The following MYO3A variants were observed in gnomAD, a reference collection of about 807,000 sequenced individuals.
MYO3A encodes the protein myosin-IIIa.
Under a neutral mutation model 192.7 loss-of-function variants are expected in MYO3A, and 180 were observed. The observed-to-expected ratio is 0.93, with a 90% CI of 0.83 to 1.06. The LOEUF is 1.06. Among genes scored for constraint, MYO3A ranks in the 50% least tolerant of loss-of-function variants. The probability of loss-of-function intolerance (pLI) is 0.00; values close to 1 mark genes in which losing one functional copy is unlikely to be tolerated. For missense variants in MYO3A, 1,896 were observed against 1,905.0 expected (o/e 1.00, Z 0.09); for synonymous variants, 628 against 645.3 (o/e 0.97, Z 0.41).
At chr10:25,996,469 T>C (rs1192702597) in intron 4 of MYO3A, 21 bp from the exon 5 acceptor site, 2 of 1,594,198 alleles carry the variant, frequency 1.3e-6, no homozygotes. Flanking sequence ...TTAATAGCCA[T>C]CTTAAAATAT....
chr10:26,162,922 G>A (rs147965341), intron 26 of MYO3A, among the ~76,000 whole-genome samples: 1 of 152,214 alleles, frequency 6.6e-6, no homozygotes, highest in East Asian at 1.9e-4. Context: ...ACATTGAGGA[G>A]AGTTTTTAGA....
At chr10:26,051,060 T>C (rs1000938086) in intron 10 of MYO3A, among the ~76,000 whole-genome samples, 2 of 152,316 alleles carry the variant, frequency 1.3e-5, no homozygotes, top group Admixed American at 1.3e-4. Context: ...TGCACAGCTG[T>C]AGTCAGTGAA....
intron 22 of MYO3A, 146 bp downstream of exon 22, chr10:26,145,680 C>T (rs1176926659): frequency 5.4e-6 from 4 of 740,924 alleles, no homozygotes; most frequent in African/African-American, 3.5e-5. Context: ...CCTAATTATG[C>T]CCTCTGATGT....
chr10:26,089,013 G>A (rs940812586), intron 15 of MYO3A, among the ~76,000 whole-genome samples: 2 of 152,064 alleles, frequency 1.3e-5, no homozygotes, highest in African/African-American at 4.8e-5. Context: ...GGAAACTATC[G>A]TTACACATTG....
chr10:26,178,109 A>G (rs1003174989), intron 31 of MYO3A, among the ~76,000 whole-genome samples: 2 of 152,240 alleles, frequency 1.3e-5, no homozygotes, highest in Non-Finnish European at 2.9e-5. Context: ...CCCAGGAGGC[A>G]TGCTGGCAGG....
intron 2 of MYO3A, among the ~76,000 whole-genome samples, chr10:25,940,878 A>C (rs1447870822): frequency 6.6e-6 from 1 of 152,026 alleles, no homozygotes; most frequent in African/African-American, 2.4e-5. Flanking sequence ...GTATAGTTTC[A>C]TTGTGGTATA....
chr10:26,064,464 C>T (rs1344536606), intron 10 of MYO3A, among the ~76,000 whole-genome samples: 4 of 151,988 alleles, frequency 2.6e-5, no homozygotes, highest in Non-Finnish European at 5.9e-5. Flanking sequence ...TCATATGGGC[C>T]TTGTAGGCCA....
rs1304194142 is a variant in MYO3A at position 26,182,118 on chromosome 10, G to C, written c.4438+5273G>C. ...TAACAACAAGAGCCCCTAAGTCTAG[G>C]GTTCTAGAAGAGTTGAGTGACTAGT... On this transcript the variant is annotated intron_variant, in intron 31 of 34. Transcript: ENST00000642920. Among the ~76,000 whole-genome samples, 3 of 152,184 alleles carry C rather than the reference G, an allele frequency of 2.0e-5. No individual in the cohort carries two copies. The East Asian group carries it at 5.8e-4, about 29-fold the overall frequency.
chr10:26,160,567 C>G (rs1050032271), intron 26 of MYO3A, among the ~76,000 whole-genome samples: 1 of 151,822 alleles, frequency 6.6e-6, no homozygotes, highest in Non-Finnish European at 1.5e-5. Flanking sequence ...ATCACTTGAG[C>G]CCAGGAGTTC....
intron 15 of MYO3A, among the ~76,000 whole-genome samples, chr10:26,089,792 TAA>T (rs1836582519): frequency 6.6e-6 from 1 of 152,166 alleles, no homozygotes; most frequent in African/African-American, 2.4e-5. Context: ...TTTTCATCTT[TAA>T]AATGAAATAG....
intron 4 of MYO3A, 104 bp from the exon 5 acceptor site, chr10:25,996,386 A>G (rs959666118): frequency 1.3e-5 from 11 of 866,208 alleles, no homozygotes. Flanking sequence ...ATCATTTGAA[A>G]GAGAACATTG....
chr10:26,094,684 G>C (rs548637127), intron 15 of MYO3A, among the ~76,000 whole-genome samples: 119 of 152,168 alleles, frequency 7.8e-4, no homozygotes, highest in Non-Finnish European at 1.4e-3. Flanking sequence ...TCGGCCTCCC[G>C]AAGTGCTGGG....
At chr10:26,173,506 A>G (rs1842157390) in intron 29 of MYO3A, among the ~76,000 whole-genome samples, 157 bp from the exon 30 acceptor site, 1 of 152,204 alleles carries the variant, frequency 6.6e-6, no homozygotes, top group South Asian at 2.1e-4. Flanking sequence ...AACATTCTGG[A>G]AAGCACTTGA....
intron 4 of MYO3A, among the ~76,000 whole-genome samples, chr10:25,970,728 G>A (rs1257038129): frequency 6.6e-6 from 1 of 151,800 alleles, no homozygotes; most frequent in African/African-American, 2.4e-5. Flanking sequence ...TTTATATTAA[G>A]TATCAAATGG....
chr10:26,073,473 G>T (rs941040913), intron 14 of MYO3A, among the ~76,000 whole-genome samples: 5 of 151,884 alleles, frequency 3.3e-5, no homozygotes, highest in African/African-American at 1.2e-4. Flanking sequence ...GGTGGCTGAG[G>T]CAGGAGAATG....
chr10:26,156,122 G>T (rs10828957), intron 25 of MYO3A, among the ~76,000 whole-genome samples: 23,109 of 152,100 alleles, frequency 0.15, 1,899 homozygotes, highest in East Asian at 0.31. Flanking sequence ...GCAGATGTTC[G>T]CACGAGTAAA....
intron 4 of MYO3A, among the ~76,000 whole-genome samples, chr10:25,966,153 C>G (rs72789936): frequency 6.6e-6 from 1 of 151,992 alleles, no homozygotes; most frequent in Non-Finnish European, 1.5e-5. Context: ...ATCTTGCCCC[C>G]GCTCCCTGGT....
intron 4 of MYO3A, among the ~76,000 whole-genome samples, chr10:25,965,377 A>T (rs973057544): frequency 4.6e-5 from 7 of 151,928 alleles, no homozygotes; most frequent in Non-Finnish European, 7.4e-5. Flanking sequence ...TCTGATTGGT[A>T]CCCTGTCCTG....
At chr10:26,182,627 C>T (rs1449014565) in intron 31 of MYO3A, among the ~76,000 whole-genome samples, 2 of 152,062 alleles carry the variant, frequency 1.3e-5, no homozygotes, top group Non-Finnish European at 2.9e-5. Context: ...AAAATTATTC[C>T]AAGTTTTCAC....
Sources: allele counts gnomAD v4.1 joint callset (sites outside exome capture counted in the v4.1 genomes callset), GRCh38; gene constraint gnomAD v4.1.1; transcripts MANE v1.5; gene names NCBI Gene and HGNC (gene_info 2026-07-23, HGNC 2026-07-21).